The following ARHGAP44 variants were observed in gnomAD, a reference collection of about 807,000 sequenced individuals.
The protein encoded by ARHGAP44 is Rho GTPase activating protein 44.
A neutral mutation model predicts 106.8 loss-of-function variants in ARHGAP44; 43 were observed. The ratio of observed to expected loss-of-function variants is 0.40; its 90% CI spans 0.32 to 0.52. The LOEUF (loss-of-function observed/expected upper bound fraction) is 0.52, where lower values mean the gene tolerates loss of function less well. ARHGAP44 is among the 20% of genes least tolerant of loss of function. The probability of loss-of-function intolerance (pLI) is 0.48; values close to 1 mark genes in which losing one functional copy is unlikely to be tolerated. For missense variants in ARHGAP44, 866 were observed against 1,050.5 expected (o/e 0.82, Z 2.43); for synonymous variants, 439 against 410.3 (o/e 1.07, Z -0.85).
In ARHGAP44 at chr17:12,974,144, G is replaced by C; in HGVS notation, c.1597G>C (p.Gly533Arg). ...NWVARRGSSA[G>R]RKVSCAPPSM... ...GGTGGCTCGAAGAGGCTCCTCGGCC[G>C]GTCGGAAAGTGTCCTGCGCCCCGCC... Residue 533 changes from glycine (G) to arginine (R), a missense_variant, in exon 18 of 21, where the codon GGT becomes CGT. Gly to Arg is a moderately radical substitution (Grantham distance 125). This residue lies in a region of ARHGAP44 where 418 missense variants were observed against 403.6 expected (regional missense o/e 1.04). Transcript: ENST00000379672. 6.4e-7 allele frequency: 1 copy of C among 1,563,588 alleles called. No individual in the cohort carries two copies. Among genetic ancestry groups the C allele is most frequent in the South Asian group, 1.2e-5 (1 of 84,926 alleles).
At chr17:12,925,664 C>T (rs2038210154) in intron 6 of ARHGAP44, among the ~76,000 whole-genome samples, 1 of 152,178 alleles carries the variant, frequency 6.6e-6, no homozygotes, top group Non-Finnish European at 1.5e-5. Flanking sequence ...CACATAGTCA[C>T]AAGTCCTCTT....
chr17:12,963,731 C>CACCAGTGCCGT (rs1385080977), intron 16 of ARHGAP44, among the ~76,000 whole-genome samples: 1 of 152,016 alleles, frequency 6.6e-6, no homozygotes, highest in Admixed American at 6.6e-5. Context: ...GCCGGCCTTG[C>CACCAGTGCCGT]GAAGCCCTGC....
rs924542218 is a variant in ARHGAP44 at position 12,914,484 on chromosome 17, C to A, written c.276-1416C>A. On this transcript the variant is annotated intron_variant, in intron 4 of 20. Coordinates refer to ENST00000379672, the MANE Select transcript of ARHGAP44 (RefSeq NM_014859.6). Reference sequence around the variant, plus strand: ...GCAAAATGATCTGATTCCGCATGTACCAACATGGGTAAGCTCCAGACATAA... The same window carrying A: ...GCAAAATGATCTGATTCCGCATGTAACAACATGGGTAAGCTCCAGACATAA... Among the ~76,000 whole-genome samples the A allele has an allele frequency of 2.0e-5, 3 of 152,250 alleles. No homozygotes were observed. In the South Asian group the frequency reaches 6.2e-4, roughly 32 times the overall value.
intron 6 of ARHGAP44, among the ~76,000 whole-genome samples, chr17:12,920,268 T>G (rs1468471578): frequency 7.1e-6 from 1 of 141,582 alleles, no homozygotes; most frequent in African/African-American, 2.9e-5. Context: ...CCCAGCTACT[T>G]GGGAGGCTGA....
chr17:12,797,744 T>A (rs1036286225), intron 1 of ARHGAP44, among the ~76,000 whole-genome samples: 7 of 152,140 alleles, frequency 4.6e-5, no homozygotes, highest in African/African-American at 1.7e-4. Flanking sequence ...TTGTTTATTG[T>A]CTCTCAGTAT....
chr17:12,828,672 C>G (rs1034043452), intron 1 of ARHGAP44, among the ~76,000 whole-genome samples: 2 of 116,888 alleles, frequency 1.7e-5, no homozygotes, highest in African/African-American at 6.8e-5. Flanking sequence ...GACAGAGTCT[C>G]TCTCTGTCAC....
At chr17:12,957,514 C>T (rs1164765090) in intron 15 of ARHGAP44, among the ~76,000 whole-genome samples, 1 of 152,104 alleles carries the variant, frequency 6.6e-6, no homozygotes, top group Non-Finnish European at 1.5e-5. Context: ...TACAGACCCA[C>T]CTTTTGCTAC....
chr17:12,789,727 T>G lies in ARHGAP44; in HGVS notation c.-112T>G, dbSNP rs940868885. ...CAGACGGCGCCCGGAGGCTCCGCAG[T>G]GCCGCCGCCGTCGCCCGGGAGGCTC... On this transcript the variant is annotated 5_prime_UTR_variant, in exon 1 of 21. Transcript: ENST00000379672. 3 of 1,045,498 alleles carry G rather than the reference T, an allele frequency of 2.9e-6. No homozygotes were observed. In the African/African-American group the frequency reaches 5.1e-5, roughly 18 times the overall value. The allele number at this position is 1,045,498 out of a possible 1,614,324, so 64.8% of individuals were successfully genotyped here.
At chr17:12,892,718 T>C (rs1422325607) in intron 1 of ARHGAP44, among the ~76,000 whole-genome samples, 1 of 152,084 alleles carries the variant, frequency 6.6e-6, no homozygotes, top group Non-Finnish European at 1.5e-5. Flanking sequence ...GATTGGAAAA[T>C]TGCTGTTATG....
chr17:12,957,806 G>A (rs2039166557), intron 15 of ARHGAP44, among the ~76,000 whole-genome samples: 1 of 152,190 alleles, frequency 6.6e-6, no homozygotes, highest in African/African-American at 2.4e-5. Flanking sequence ...TAGACATTAA[G>A]GGAATGCTTT....
chr17:12,822,137 C>T (rs1373163901), intron 1 of ARHGAP44, among the ~76,000 whole-genome samples: 2 of 152,082 alleles, frequency 1.3e-5, no homozygotes, highest in African/African-American at 4.8e-5. Flanking sequence ...CTGTACAGGG[C>T]CAGGCAGTAA....
chr17:12,960,564 T>G (rs1368874870), intron 16 of ARHGAP44, among the ~76,000 whole-genome samples: 1 of 112,114 alleles, frequency 8.9e-6, no homozygotes, highest in Admixed American at 9.2e-5. Context: ...AGACTCCATC[T>G]CAAAGAAAAA....
At chr17:12,945,471 T>G (rs2038827099) in intron 10 of ARHGAP44, among the ~76,000 whole-genome samples, 1 of 152,182 alleles carries the variant, frequency 6.6e-6, no homozygotes, top group Non-Finnish European at 1.5e-5. Context: ...CGGTACGTGT[T>G]TTATTGAGCA....
intron 1 of ARHGAP44, among the ~76,000 whole-genome samples, chr17:12,849,642 C>G (rs183572297): frequency 6.3e-5 from 8 of 127,494 alleles, no homozygotes; most frequent in African/African-American, 2.5e-4. Flanking sequence ...CCCAAAGCAT[C>G]CTGCTGTTGC....
chr17:12,897,735 T>C (rs2037255816), intron 3 of ARHGAP44, among the ~76,000 whole-genome samples: 1 of 142,810 alleles, frequency 7.0e-6, no homozygotes, highest in African/African-American at 2.6e-5. Flanking sequence ...TTTTTTGCTC[T>C]AAGAAGCACT....
At chr17:12,896,991 A>G (rs2037225050) in intron 3 of ARHGAP44, among the ~76,000 whole-genome samples, 1 of 152,350 alleles carries the variant, frequency 6.6e-6, no homozygotes, top group South Asian at 2.1e-4. Flanking sequence ...CACAATAAAA[A>G]GAGCCTGCTA....
chr17:12,821,584 C>G (rs2034771922), intron 1 of ARHGAP44, among the ~76,000 whole-genome samples: 1 of 152,150 alleles, frequency 6.6e-6, no homozygotes, highest in Admixed American at 6.6e-5. Flanking sequence ...TTTCCCTGGC[C>G]TACCGTGAGC....
intron 3 of ARHGAP44, among the ~76,000 whole-genome samples, chr17:12,900,534 T>G (rs1428093221): frequency 1.3e-5 from 2 of 152,184 alleles, no homozygotes; most frequent in African/African-American, 4.8e-5. Context: ...GCATTTCTCA[T>G]TAGGAAGTCA....
chr17:12,863,803 T>C (rs1459173193), intron 1 of ARHGAP44, among the ~76,000 whole-genome samples: 4 of 152,244 alleles, frequency 2.6e-5, no homozygotes, highest in Non-Finnish European at 5.9e-5. Flanking sequence ...ATATTTGTTT[T>C]CCTCTTGAAT....
Sources: gnomAD v4.1 joint callset for allele counts (sites outside exome capture counted in the v4.1 genomes callset) on GRCh38, gnomAD v4.1.1 for gene constraint, gnomAD v4.1.1 regional missense constraint, MANE v1.5 for transcripts, NCBI Gene and HGNC (gene_info 2026-07-23, HGNC 2026-07-21) for gene names.